DLEU7: variants seen among roughly 807,000 people sequenced by gnomAD.
The protein encoded by DLEU7 is leukemia-associated protein 7.
DLEU7 carries 17 observed loss-of-function variants against 16.0 expected under a neutral mutation model. That is an observed-to-expected ratio of 1.06 (90% CI 0.73 to 1.59). The LOEUF (loss-of-function observed/expected upper bound fraction) is 1.59. Ranked by LOEUF, DLEU7 falls within the 40% of genes most tolerant of loss-of-function variation. The pLI is 0.00. For missense variants in DLEU7, 308 were observed against 314.9 expected, an observed-to-expected ratio of 0.98 and a Z score of 0.17; for synonymous variants, 113 against 139.8, an observed-to-expected ratio of 0.81 and a Z score of 1.35.
At chr13:50,820,129 A>G (rs186408895), downstream of DLEU7, among the ~76,000 whole-genome samples, 1 of 152,260 alleles carries the variant, frequency 6.6e-6, no homozygotes, top group East Asian at 1.9e-4. Context: ...TTGTGAATCT[A>G]CCATGGAATT....
chr13:50,817,259 G>C (rs1409683537), intron 1 of DLEU7, among the ~76,000 whole-genome samples: 2 of 152,128 alleles, frequency 1.3e-5, no homozygotes, highest in African/African-American at 4.8e-5. Flanking sequence ...TGCATGCATG[G>C]AGCAGATATG....
chr13:50,735,237 G>GAGC (rs1236982891), intron 1 of DLEU7, among the ~76,000 whole-genome samples: 3 of 152,096 alleles, frequency 2.0e-5, no homozygotes, highest in Non-Finnish European at 2.9e-5. Flanking sequence ...AACAATGGTA[G>GAGC]AGCAGTTAGA....
At chr13:50,719,897 C>A (rs1164966984) in intron 1 of DLEU7, among the ~76,000 whole-genome samples, 1 of 152,132 alleles carries the variant, frequency 6.6e-6, no homozygotes. Flanking sequence ...GATGGCAAGC[C>A]TAGAGAAGCA....
chr13:50,786,379 G>C (rs1223874753), intron 1 of DLEU7, among the ~76,000 whole-genome samples: 3 of 152,074 alleles, frequency 2.0e-5, no homozygotes, highest in Middle Eastern at 3.2e-3. Context: ...TTTAGTTCCT[G>C]AACACATAGA....
intron 1 of DLEU7, among the ~76,000 whole-genome samples, chr13:50,733,932 G>A (rs1420672998): frequency 6.6e-6 from 1 of 152,056 alleles, no homozygotes; most frequent in Non-Finnish European, 1.5e-5. Context: ...CTGGGATTCC[G>A]ACTCTGATAT....
chr13:50,775,030 G>A (rs145368480), intron 1 of DLEU7, among the ~76,000 whole-genome samples: 14 of 151,096 alleles, frequency 9.3e-5, no homozygotes, highest in African/African-American at 3.2e-4. Context: ...CATATTTATC[G>A]TAACTATATT....
At position 50,758,088 on chromosome 13, in the gene DLEU7, A is replaced by T. The variant is rs1051366654; in HGVS notation, c.460-44848T>A. The stretch of plus-strand genomic sequence containing the variant: ...AGCTATGTTGCCCAGGTTGGTCTCA[A>T]ATTGCTGGCCTTAAGCAATCCTCCC... On this transcript the variant is annotated intron_variant, in intron 1 of 1. Coordinates refer to the DLEU7 transcript ENST00000400393. Among the ~76,000 whole-genome samples the T allele has an allele frequency of 7.9e-5, 11 of 138,802 alleles. 1 individual carries two copies. Among genetic ancestry groups the T allele is most frequent in the African/African-American group, 3.1e-4 (11 of 35,708 alleles). 91.1% of individuals were successfully genotyped at this position (138,802 alleles called of 152,430 possible). A position where few individuals can be genotyped will look rare whatever the true frequency, so the allele number is the denominator to read the frequency against.
intron 1 of DLEU7, among the ~76,000 whole-genome samples, chr13:50,790,274 A>G (rs1166307821): frequency 6.6e-6 from 1 of 152,144 alleles, no homozygotes; most frequent in Admixed American, 6.5e-5. Flanking sequence ...TATGTCCATT[A>G]CTATCAATAT....
intron 1 of DLEU7, among the ~76,000 whole-genome samples, chr13:50,742,864 G>A (rs2137726442): frequency 6.6e-6 from 1 of 152,192 alleles, no homozygotes; most frequent in East Asian, 1.9e-4. Context: ...GTGACCCATG[G>A]GCTGAAGTTT....
intron 1 of DLEU7, among the ~76,000 whole-genome samples, chr13:50,831,200 GA>G (rs1399881508): frequency 5.3e-5 from 8 of 152,062 alleles, no homozygotes; most frequent in African/African-American, 1.9e-4. Flanking sequence ...CTGCCTTGTA[GA>G]AACTTAGAAT....
chr13:50,811,228 A>G (rs916573568), intron 1 of DLEU7, among the ~76,000 whole-genome samples: 2 of 152,162 alleles, frequency 1.3e-5, no homozygotes, highest in African/African-American at 4.8e-5. Flanking sequence ...CTAACCAGAA[A>G]AGGGAAGTGC....
At position 50,728,868 on chromosome 13, in the gene DLEU7, T is replaced by C. The variant is rs566310149; in HGVS notation, c.460-15628A>G. On this transcript the variant is annotated intron_variant, in intron 1 of 1. Coordinates refer to the DLEU7 transcript ENST00000400393. Reference sequence around the variant, plus strand: ...TCACCTGTTCATATGCACATCATACTCACTACTGAAGGGTATTCCTTTACC... The same window carrying C: ...TCACCTGTTCATATGCACATCATACCCACTACTGAAGGGTATTCCTTTACC... Among the ~76,000 whole-genome samples the C allele has an allele frequency of 1.0e-3, 152 of 152,266 alleles. 1 individual carries two copies. Among genetic ancestry groups the C allele is most frequent in the African/African-American group, 3.3e-3 (139 of 41,556 alleles).
At chr13:50,762,958 G>A (rs1874983028) in intron 1 of DLEU7, among the ~76,000 whole-genome samples, 1 of 152,162 alleles carries the variant, frequency 6.6e-6, no homozygotes. Context: ...CCAACTGGTG[G>A]AGAGAAAGTG....
chr13:50,801,676 G>A (rs1593400977), intron 1 of DLEU7, among the ~76,000 whole-genome samples: 1 of 152,136 alleles, frequency 6.6e-6, no homozygotes, highest in South Asian at 2.1e-4. Flanking sequence ...TGTAGATTCT[G>A]GAAAACTCTG....
intron 1 of DLEU7, among the ~76,000 whole-genome samples, chr13:50,761,291 A>G (rs1874920629): frequency 6.6e-6 from 1 of 152,206 alleles, no homozygotes; most frequent in Non-Finnish European, 1.5e-5. Context: ...AAGTTCAGCC[A>G]TCGGCAGCAG....
At chr13:50,713,251 T>C (rs570509528) in intron 1 of DLEU7, 2 of 1,609,060 alleles carry the variant, frequency 1.2e-6, no homozygotes, top group Admixed American at 1.7e-5. Context: ...CTGAAAGAAA[T>C]GTAGCATAAT....
chr13:50,840,699 A>C (rs1247261373), intron 1 of DLEU7, among the ~76,000 whole-genome samples: 1 of 152,118 alleles, frequency 6.6e-6, no homozygotes, highest in Non-Finnish European at 1.5e-5. Flanking sequence ...GGCGGTAGAA[A>C]ATGTAAGGAG....
At chr13:50,724,627 A>G (rs1216386237) in intron 1 of DLEU7, among the ~76,000 whole-genome samples, 1 of 152,204 alleles carries the variant, frequency 6.6e-6, no homozygotes, top group Non-Finnish European at 1.5e-5. Flanking sequence ...GAAAGAGTCA[A>G]TTGCCTTGGA....
intron 1 of DLEU7, among the ~76,000 whole-genome samples, chr13:50,759,154 G>A (rs1294172905): frequency 6.6e-6 from 1 of 152,104 alleles, no homozygotes; most frequent in Non-Finnish European, 1.5e-5. Flanking sequence ...CCTCATCTTT[G>A]TAACCTCCTT....
Sources: allele counts gnomAD v4.1 joint callset (sites outside exome capture counted in the v4.1 genomes callset), GRCh38; gene constraint gnomAD v4.1.1; transcripts MANE v1.5; gene names NCBI Gene and HGNC (gene_info 2026-07-23, HGNC 2026-07-21).